GPC6: variants seen among roughly 807,000 people sequenced by gnomAD.
GPC6 encodes the protein glypican-6.
Under a neutral mutation model 55.2 loss-of-function variants are expected in GPC6, and 14 were observed. The observed-to-expected ratio is 0.25, with a 90% CI of 0.17 to 0.40. The LOEUF is 0.40. GPC6 is among the 10% of genes least tolerant of loss of function. GPC6 has a pLI of 1.00. For synonymous variants in GPC6, 278 were observed against 259.6 expected, an observed-to-expected ratio of 1.07 and a Z score of -0.68; for missense variants, 641 against 708.5, an observed-to-expected ratio of 0.90 and a Z score of 1.08.
At chr13:93,247,262 T>C (rs1241284524) in intron 1 of GPC6, among the ~76,000 whole-genome samples, 1 of 152,172 alleles carries the variant, frequency 6.6e-6, no homozygotes, top group African/African-American at 2.4e-5. Flanking sequence ...AAGATTATCT[T>C]TGACCTCTGT....
chr13:93,336,833 G>A (rs1880062323), intron 1 of GPC6, among the ~76,000 whole-genome samples: 2 of 152,082 alleles, frequency 1.3e-5, no homozygotes, highest in South Asian at 4.1e-4. Context: ...GGGAAAATGA[G>A]TATGGGCTGT....
rs568367973 is a variant in GPC6, at chr13:93,673,651, A to T, written c.319+128230A>T. ...TATTCTTTCCTCAGGTAAAGTGAAA[A>T]TTCATTAAATACAGGATACTTTTTT... On this transcript the variant is annotated intron_variant, in intron 2 of 8. Coordinates refer to ENST00000377047, the MANE Select transcript of GPC6 (RefSeq NM_005708.5). Among the ~76,000 whole-genome samples, 4 of 152,256 alleles carry T rather than the reference A, an allele frequency of 2.6e-5. No individual in the cohort carries two copies. In the East Asian group the frequency reaches 7.7e-4, roughly 29 times the overall value.
intron 7 of GPC6, among the ~76,000 whole-genome samples, chr13:94,386,940 C>T (rs1232550949): frequency 1.3e-5 from 2 of 152,170 alleles, no homozygotes; most frequent in African/African-American, 2.4e-5. Context: ...CAGAAACATA[C>T]CTATTTCAAA....
intron 4 of GPC6, among the ~76,000 whole-genome samples, chr13:94,223,676 C>A (rs1264851370): frequency 6.6e-6 from 1 of 152,252 alleles, no homozygotes; most frequent in East Asian, 1.9e-4. Flanking sequence ...CACTACAACA[C>A]AGTTACTGTC....
intron 1 of GPC6, among the ~76,000 whole-genome samples, chr13:93,248,899 A>G (rs1876695049): frequency 1.3e-5 from 2 of 152,208 alleles, no homozygotes; most frequent in Admixed American, 6.5e-5. Flanking sequence ...CATGGCTTTC[A>G]TAGCATTCGA....
At chr13:93,640,078 T>G (rs1879849240) in intron 2 of GPC6, among the ~76,000 whole-genome samples, 1 of 152,146 alleles carries the variant, frequency 6.6e-6, no homozygotes, top group Admixed American at 6.6e-5. Flanking sequence ...ATAAGCATAT[T>G]TATCAAAATT....
At chr13:93,247,744 G>A (rs1876652515) in intron 1 of GPC6, among the ~76,000 whole-genome samples, 1 of 152,022 alleles carries the variant, frequency 6.6e-6, no homozygotes, top group Non-Finnish European at 1.5e-5. Context: ...CACCTATTAT[G>A]AATAATCTAT....
chr13:93,462,918 T>C (rs1878753226), intron 1 of GPC6, among the ~76,000 whole-genome samples: 1 of 152,156 alleles, frequency 6.6e-6, no homozygotes, highest in South Asian at 2.1e-4. Context: ...TGCTCTACTT[T>C]CTTGCTATTT....
chr13:93,611,341 A>G (rs1230910786), intron 2 of GPC6, among the ~76,000 whole-genome samples: 1 of 152,118 alleles, frequency 6.6e-6, no homozygotes, highest in Admixed American at 6.6e-5. Context: ...GTTAGGTTAA[A>G]TCTAATTAAC....
intron 3 of GPC6, among the ~76,000 whole-genome samples, chr13:93,997,029 A>G (rs1393547554): frequency 6.6e-6 from 1 of 152,188 alleles, no homozygotes; most frequent in East Asian, 1.9e-4. Flanking sequence ...TGATCAACAG[A>G]CACCTACTTC....
intron 1 of GPC6, among the ~76,000 whole-genome samples, chr13:93,316,581 T>C (rs1304468831): frequency 1.3e-5 from 2 of 152,106 alleles, no homozygotes; most frequent in African/African-American, 4.8e-5. Context: ...CTATCATCAT[T>C]GGAAAACAGC....
intron 4 of GPC6, among the ~76,000 whole-genome samples, chr13:94,090,616 C>T (rs1400600346): frequency 1.3e-5 from 2 of 152,088 alleles, no homozygotes; most frequent in Non-Finnish European, 2.9e-5. Context: ...TTTGTATAAA[C>T]TTGTACAGTT....
intron 4 of GPC6, among the ~76,000 whole-genome samples, chr13:94,153,562 A>G (rs1330110401): frequency 6.6e-6 from 1 of 152,196 alleles, no homozygotes; most frequent in Non-Finnish European, 1.5e-5. Context: ...GCTAGTGGGT[A>G]TGGCATCCAC....
At chr13:93,666,639 A>G (rs1386980456) in intron 2 of GPC6, among the ~76,000 whole-genome samples, 2 of 152,238 alleles carry the variant, frequency 1.3e-5, no homozygotes, top group Non-Finnish European at 2.9e-5. Flanking sequence ...ATTTTGATTC[A>G]TTTAAAAACA....
intron 4 of GPC6, among the ~76,000 whole-genome samples, chr13:94,138,211 A>G (rs1887254400): frequency 6.6e-6 from 1 of 152,190 alleles, no homozygotes; most frequent in Non-Finnish European, 1.5e-5. Context: ...ATGCTCAACC[A>G]TTAAGTATAA....
chr13:93,359,705 T>C (rs1880979742), intron 1 of GPC6, among the ~76,000 whole-genome samples: 1 of 152,140 alleles, frequency 6.6e-6, no homozygotes, highest in African/African-American at 2.4e-5. Flanking sequence ...AGAGTAAATA[T>C]TTCAAGGTAA....
intron 2 of GPC6, among the ~76,000 whole-genome samples, chr13:93,698,447 A>G (rs1283446747): frequency 3.5e-5 from 1 of 28,332 alleles, no homozygotes; most frequent in Non-Finnish European, 8.3e-5. Flanking sequence ...GTGTATTTTT[A>G]TTTTTGTTTG....
At chr13:93,598,635 C>A (rs984423900) in intron 2 of GPC6, among the ~76,000 whole-genome samples, 1 of 152,046 alleles carries the variant, frequency 6.6e-6, no homozygotes, top group African/African-American at 2.4e-5. Context: ...TTTTGAGATG[C>A]AGAAAAGTGA....
At chr13:93,613,964 A>T (rs999066143) in intron 2 of GPC6, among the ~76,000 whole-genome samples, 9 of 152,178 alleles carry the variant, frequency 5.9e-5, no homozygotes, top group African/African-American at 2.2e-4. Context: ...AATTTAGAAC[A>T]ATTGGTGGGC....
Sources: allele counts gnomAD v4.1 joint callset (sites outside exome capture counted in the v4.1 genomes callset), GRCh38; gene constraint gnomAD v4.1.1; transcripts MANE v1.5; gene names NCBI Gene and HGNC (gene_info 2026-07-23, HGNC 2026-07-21).